The following CNTN1 variants were observed in gnomAD, a reference collection of about 807,000 sequenced individuals.
CNTN1 encodes contactin 1, also known as contactin-1.
Under a neutral mutation model 126.4 loss-of-function variants are expected in CNTN1, and 38 were observed. The ratio of observed to expected loss-of-function variants is 0.30; its 90% CI spans 0.23 to 0.39. The LOEUF is 0.39. Ranked by LOEUF, CNTN1 falls within the 10% of genes least tolerant of loss-of-function variation. The pLI is 1.00. For synonymous variants in CNTN1, 413 were observed against 422.6 expected (o/e 0.98, Z 0.28); for missense variants, 1,009 against 1,248.4 (o/e 0.81, Z 2.89).
intron 3 of CNTN1, among the ~76,000 whole-genome samples, chr12:40,912,634 T>A (rs1475886082): frequency 2.7e-5 from 4 of 147,480 alleles, no homozygotes; most frequent in Non-Finnish European, 4.5e-5. Context: ...AGCTAATATT[T>A]AAAAAAAAAA....
chr12:40,707,072 A>G (rs1356575180), intron 1 of CNTN1, among the ~76,000 whole-genome samples: 13 of 149,234 alleles, frequency 8.7e-5, no homozygotes, highest in East Asian at 2.0e-4. Context: ...ACACACACAC[A>G]CACACACACA....
intron 18 of CNTN1, among the ~76,000 whole-genome samples, chr12:41,015,994 AC>A (rs1417910797): frequency 6.6e-6 from 1 of 152,254 alleles, no homozygotes; most frequent in East Asian, 1.9e-4. Flanking sequence ...CCTCCTTGTC[AC>A]CTACTTTTAT....
At chr12:40,812,220 T>G (rs141339842) in intron 1 of CNTN1, among the ~76,000 whole-genome samples, 354 of 152,226 alleles carry the variant, frequency 2.3e-3, no homozygotes, top group African/African-American at 8.0e-3. Context: ...TATTATTGAC[T>G]TCTAGATTTG....
intron 15 of CNTN1, among the ~76,000 whole-genome samples, chr12:40,966,962 CTT>C (rs556306392): frequency 2.1e-3 from 323 of 152,216 alleles, no homozygotes; most frequent in African/African-American, 7.7e-3. Context: ...TCCCGGGTCT[CTT>C]ATAATCAAAC....
At chr12:40,753,908 T>A (rs1020809201) in intron 1 of CNTN1, among the ~76,000 whole-genome samples, 1 of 152,156 alleles carries the variant, frequency 6.6e-6, no homozygotes, top group Non-Finnish European at 1.5e-5. Flanking sequence ...CATTTTAATA[T>A]AAGGATATAT....
At chr12:40,920,525 GA>G (rs766050145) in intron 4 of CNTN1, among the ~76,000 whole-genome samples, 4 of 151,604 alleles carry the variant, frequency 2.6e-5, no homozygotes, top group Non-Finnish European at 5.9e-5. Flanking sequence ...GGAAAGAACA[GA>G]AAAAAAATCA....
chr12:40,857,831 ACT>A (rs1394214584), intron 1 of CNTN1, among the ~76,000 whole-genome samples: 1 of 150,930 alleles, frequency 6.6e-6, no homozygotes, highest in African/African-American at 2.4e-5. Flanking sequence ...AGCTTCCTTG[ACT>A]CTCTGTATGA....
chr12:40,841,967 T>G (rs1195318054), intron 1 of CNTN1, among the ~76,000 whole-genome samples: 2 of 151,868 alleles, frequency 1.3e-5, no homozygotes, highest in Non-Finnish European at 2.9e-5. Context: ...AATAAAAGTA[T>G]TCATTGCCCC....
intron 14 of CNTN1, among the ~76,000 whole-genome samples, chr12:40,956,330 G>A (rs748473052): frequency 3.3e-5 from 5 of 151,956 alleles, no homozygotes; most frequent in African/African-American, 4.8e-5. Context: ...ACTTATAGTC[G>A]GCCAGGGAGA....
chr12:40,963,291 T>C (rs919324004), intron 15 of CNTN1, among the ~76,000 whole-genome samples: 3 of 152,050 alleles, frequency 2.0e-5, no homozygotes, highest in African/African-American at 7.2e-5. Context: ...GAGATTAAAA[T>C]GCTATGCTTG....
chr12:40,921,806 T>A (rs1364543004), intron 4 of CNTN1, among the ~76,000 whole-genome samples: 1 of 152,208 alleles, frequency 6.6e-6, no homozygotes, highest in Non-Finnish European at 1.5e-5. Context: ...TGTCAATTAG[T>A]TTGTTTTATT....
intron 19 of CNTN1, among the ~76,000 whole-genome samples, chr12:41,017,921 G>C (rs1219848665): frequency 6.6e-6 from 1 of 151,838 alleles, no homozygotes; most frequent in Admixed American, 6.6e-5. Context: ...GAGAAACCCT[G>C]TCTCTACTAA....
intron 1 of CNTN1, among the ~76,000 whole-genome samples, chr12:40,762,506 A>C (rs948739534): frequency 6.6e-6 from 1 of 152,254 alleles, no homozygotes; most frequent in East Asian, 1.9e-4. Context: ...CAAAAACTTT[A>C]CAAAATTTTA....
intron 1 of CNTN1, among the ~76,000 whole-genome samples, chr12:40,882,516 A>G (rs1023714912): frequency 2.0e-5 from 3 of 151,660 alleles, no homozygotes; most frequent in East Asian, 1.9e-4. Flanking sequence ...TTTCTGTAAC[A>G]TGAAACACAG....
At chr12:40,717,385 C>T (rs1942076042) in intron 1 of CNTN1, among the ~76,000 whole-genome samples, 1 of 152,136 alleles carries the variant, frequency 6.6e-6, no homozygotes, top group Non-Finnish European at 1.5e-5. Flanking sequence ...CACTGAGCTA[C>T]TTTTCACATA....
chr12:41,038,428 G>A (rs957308093), intron 23 of CNTN1, among the ~76,000 whole-genome samples: 3 of 152,042 alleles, frequency 2.0e-5, no homozygotes, highest in Admixed American at 6.6e-5. Flanking sequence ...GTAGATGGCC[G>A]TGTCTTCCCA....
intron 1 of CNTN1, among the ~76,000 whole-genome samples, chr12:40,871,297 T>G (rs187815537): frequency 6.6e-6 from 1 of 151,840 alleles, no homozygotes; most frequent in Non-Finnish European, 1.5e-5. Flanking sequence ...CTGAGATAGA[T>G]TGAATACTAT....
intron 17 of CNTN1, among the ~76,000 whole-genome samples, chr12:40,998,188 C>G (rs954801663): frequency 6.6e-6 from 1 of 152,116 alleles, no homozygotes; most frequent in African/African-American, 2.4e-5. Context: ...ACATTCGATG[C>G]TATTGTCCAT....
intron 23 of CNTN1, among the ~76,000 whole-genome samples, chr12:41,048,798 C>T (rs80220112): frequency 0.016 from 2,477 of 151,830 alleles, 71 homozygotes; most frequent in African/African-American, 0.053. Flanking sequence ...AAGGAAGGAA[C>T]GAAGAAAAAC....
Sources: allele counts gnomAD v4.1 joint callset (sites outside exome capture counted in the v4.1 genomes callset), GRCh38; gene constraint gnomAD v4.1.1; transcripts MANE v1.5; gene names NCBI Gene and HGNC (gene_info 2026-07-23, HGNC 2026-07-21).